HMGXB3: variants seen among roughly 807,000 people sequenced by gnomAD.
HMGXB3 encodes the protein HMG-box containing 3.
In HMGXB3, 45 loss-of-function variants were observed where a neutral mutation model predicts 121.5. The ratio of observed to expected loss-of-function variants is 0.37; its 90% confidence interval spans 0.29 to 0.47. The LOEUF is 0.47. Ranked by LOEUF, HMGXB3 falls within the 20% of genes least tolerant of loss-of-function variation. The pLI, the probability that HMGXB3 is intolerant of heterozygous loss-of-function variation, is 0.99. For missense variants in HMGXB3, 1,376 were observed against 1,602.2 expected, an observed-to-expected ratio of 0.86 and a Z score of 2.41; for synonymous variants, 590 against 624.1, an observed-to-expected ratio of 0.95 and a Z score of 0.81.
rs1424721688 is a variant in HMGXB3 at position 150,041,064 on chromosome 5, C to T, written c.2545+185C>T. Among the ~76,000 whole-genome samples, 3 of 152,312 alleles carry T rather than the reference C, an allele frequency of 2.0e-5. No individual in the cohort carries two copies. In the East Asian group the frequency reaches 5.8e-4, roughly 29 times the overall value. On this transcript the variant is annotated intron_variant, in intron 14 of 19. Coordinates refer to ENST00000502717, the MANE Select transcript of HMGXB3 (RefSeq NM_014983.3). ...CAAATGCCAAACTAATTTTGGAAAG[C>T]ATGAATCTTTTTGTGCATCCAGGGA...
chr5:150,035,974 A>G (rs1483806223), intron 11 of HMGXB3, among the ~76,000 whole-genome samples: 5 of 152,202 alleles, frequency 3.3e-5, no homozygotes, highest in African/African-American at 1.2e-4. Flanking sequence ...TGCTTTACTT[A>G]TAATATCTTA....
intron 16 of HMGXB3, among the ~76,000 whole-genome samples, chr5:150,047,256 C>T (rs948664597): frequency 6.6e-6 from 1 of 152,024 alleles, no homozygotes; most frequent in African/African-American, 2.4e-5. Context: ...GGTTCAGGAA[C>T]GTTGTGTAGA....
Position 150,030,844 on chromosome 5 carries a change from G to T in HMGXB3, c.1833+5G>T, listed in dbSNP as rs1037007614. On this transcript the variant is annotated splice_donor_5th_base_variant and intron_variant, in intron 10 of 19. Coordinates refer to ENST00000502717, the MANE Select transcript of HMGXB3 (RefSeq NM_014983.3). ...TACAGCTGCACTGTCACATTGGTAA[G>T]TATGCAGCTAGGTGGTGGTGGGTTG... 6 of 1,547,102 alleles carry T rather than the reference G, an allele frequency of 3.9e-6. No individual in the cohort carries two copies. The highest frequency in any genetic ancestry group is 4.4e-6 in the Non-Finnish European group (5 of 1,142,636).
chr5:150,050,569 C>A, intron 19 of HMGXB3, 108 bp downstream of exon 19: 1 of 823,964 alleles, frequency 1.2e-6, no homozygotes. Flanking sequence ...GCAACCTCTG[C>A]CTCCCAGGTT....
chr5:150,033,925 C>T (rs1278606487), intron 11 of HMGXB3, among the ~76,000 whole-genome samples: 1 of 152,208 alleles, frequency 6.6e-6, no homozygotes, highest in East Asian at 1.9e-4. Context: ...TATGTGGGCA[C>T]TAATGGCTTG....
rs1206285353 is a variant in HMGXB3, at chr5:150,024,786, G to C, written c.1460+106G>C. ...AGAGAGGCAGCAGAGACCAGGCAAT[G>C]GTTCCTGTTTTAGAGATACAGAAAC... On this transcript the variant is annotated intron_variant, in intron 7 of 19. Coordinates refer to ENST00000502717, the MANE Select transcript of HMGXB3 (RefSeq NM_014983.3). 4 of 980,964 alleles carry C rather than the reference G, an allele frequency of 4.1e-6. No homozygotes were observed. In the East Asian group the frequency reaches 1.1e-4, roughly 26 times the overall value. 60.8% of individuals were successfully genotyped at this position (980,964 alleles called of 1,614,324 possible). A position where few individuals can be genotyped will look rare whatever the true frequency, so the allele number is the denominator to read the frequency against.
At chr5:150,041,449 G>A (rs1756633108) in intron 14 of HMGXB3, among the ~76,000 whole-genome samples, 1 of 152,208 alleles carries the variant, frequency 6.6e-6, no homozygotes, top group Non-Finnish European at 1.5e-5. Context: ...TTATTCTTGT[G>A]CCTCTGTTTC....
At position 150,006,591 on chromosome 5, in the gene HMGXB3, G is replaced by A. The variant is rs1011483915; in HGVS notation, c.256G>A (p.Ala86Thr). 1.3e-6 allele frequency: 2 copies of A among 1,552,192 alleles called. No individual in the cohort carries two copies. The highest frequency in any genetic ancestry group is 1.7e-6 in the Non-Finnish European group (2 of 1,147,120). ...ISESWRLLSV[A>T]ERSYYLEKAK... is the part of the protein sequence containing the mutation. ...TGAGAGTTGGAGGCTTCTCAGCGTGGCCGAGAGGAGTTACTACTTGGAGAA... is the reference window on the plus strand; with the variant it reads ...TGAGAGTTGGAGGCTTCTCAGCGTGACCGAGAGGAGTTACTACTTGGAGAA... The change falls in exon 3 of 20, where the codon GCC becomes ACC. Residue 86 changes from alanine to threonine, a missense_variant. Physicochemically the swap from Ala to Thr is moderately conservative, Grantham distance 58. Around this residue, in one of 2 missense-constraint regions of HMGXB3, gnomAD observed 1,116 missense variants for 1,369.0 expected, o/e 0.82. Transcript: ENST00000502717.
intron 4 of HMGXB3, 47 bp downstream of exon 4, chr5:150,010,655 T>A (rs746393456): frequency 2.0e-6 from 3 of 1,507,450 alleles, no homozygotes; most frequent in Non-Finnish European, 2.7e-6. Flanking sequence ...TGGAGTTACT[T>A]AAAGGGCAGC....
chr5:150,025,347 G>C (rs2113742298), intron 7 of HMGXB3, among the ~76,000 whole-genome samples: 1 of 152,138 alleles, frequency 6.6e-6, no homozygotes, highest in Admixed American at 6.5e-5. Context: ...ACCCTTATTT[G>C]TATCAATGGT....
rs1173961080 is a variant in HMGXB3 at position 150,047,608 on chromosome 5, C to G, written c.2951-16C>G. On this transcript the variant is annotated splice_polypyrimidine_tract_variant and intron_variant, in intron 16 of 19. Transcript: ENST00000502717. ...TGGCGGCAGCACCCTCCCACCAGCA[C>G]TGTTGTCTCTTGCAGGCAGTGGCAG... 8.4e-6 allele frequency: 13 copies of G among 1,551,466 alleles called. No individual in the cohort carries two copies. In the Admixed American group the frequency reaches 2.2e-4, roughly 26 times the overall value.
chr5:150,009,431 T>C (rs1247099792), intron 3 of HMGXB3, among the ~76,000 whole-genome samples: 3 of 152,220 alleles, frequency 2.0e-5, no homozygotes, highest in Non-Finnish European at 4.4e-5. Flanking sequence ...ATATTCACAT[T>C]TTTTTCCGTA....
intron 7 of HMGXB3, 52 bp downstream of exon 7, chr5:150,024,732 T>C (rs988702436): frequency 9.4e-5 from 131 of 1,388,370 alleles, no homozygotes; most frequent in Non-Finnish European, 1.2e-4. Flanking sequence ...CCCATGTTTC[T>C]TTTATCTCAT....
intron 6 of HMGXB3, among the ~76,000 whole-genome samples, chr5:150,022,615 A>C (rs1187509292): frequency 2.6e-5 from 4 of 152,150 alleles, no homozygotes; most frequent in Non-Finnish European, 4.4e-5. Context: ...CTTAGTAGGC[A>C]GTGTTTGCTC....
intron 13 of HMGXB3, among the ~76,000 whole-genome samples, chr5:150,038,365 A>G (rs1009871317): frequency 2.6e-5 from 4 of 152,150 alleles, no homozygotes; most frequent in Admixed American, 6.5e-5. Flanking sequence ...GTACTATTTT[A>G]TGCTCTTGCC....
chr5:150,028,555 ATATATTTTTTTT>A (rs1756297606), intron 9 of HMGXB3, among the ~76,000 whole-genome samples: 1 of 57,116 alleles, frequency 1.8e-5, no homozygotes. Context: ...ATATATATAT[ATATATTTTTTTT>A]TTTTTTTTTT....
intron 9 of HMGXB3, chr5:150,030,288 A>T (rs943523875): frequency 6.4e-6 from 1 of 156,228 alleles, no homozygotes; most frequent in Non-Finnish European, 1.4e-5. Flanking sequence ...AGCCTGGGCA[A>T]CATAGTGAGA....
In HMGXB3 at chr5:150,051,913, C is replaced by T. The variant is rs188426859; in HGVS notation, c.3600C>T (p.Tyr1200=). ...CCCTGTGCCCTGAATTGGCACCTTA[C>T]GCAACCATCCTGGCCTCCATCGTGG... ...SLALCPELAP[Y]ATILASIVDS... Residue 1200 remains tyrosine (Y), a synonymous_variant, in exon 20 of 20, where the codon TAC becomes TAT. Transcript: ENST00000502717. The T allele has an allele frequency of 2.2e-3, 3,404 of 1,552,088 alleles. 7 individuals carry two copies. The highest frequency in any genetic ancestry group is 2.6e-3 in the Non-Finnish European group (2,992 of 1,147,118).
Position 150,051,948 on chromosome 5 carries a change from C to T in HMGXB3, c.3635C>T (p.Pro1212Leu), listed in dbSNP as rs1025885846. The T allele has an allele frequency of 2.6e-6, 4 of 1,552,226 alleles. No individual in the cohort carries two copies. Among genetic ancestry groups the T allele is most frequent in the Non-Finnish European group, 3.5e-6 (4 of 1,147,150 alleles). ...CTGGCCTCCATCGTGGACAGCAAAC[C>T]AAACGGTGTCCGCCAGCGGCCCATT... ...TILASIVDSK[P>L]NGVRQRPIAF... Residue 1212 changes from proline to leucine, a missense_variant, in exon 20 of 20, where the codon CCA (proline) becomes CTA (leucine). Around this residue, in one of 2 missense-constraint regions of HMGXB3, gnomAD observed 260 missense variants for 233.2 expected, o/e 1.11. Coordinates refer to ENST00000502717, the MANE Select transcript of HMGXB3 (RefSeq NM_014983.3).
Sources: allele counts gnomAD v4.1 joint callset (sites outside exome capture counted in the v4.1 genomes callset), GRCh38; gene constraint gnomAD v4.1.1; regional missense constraint gnomAD v4.1.1; transcripts MANE v1.5; gene names NCBI Gene and HGNC (gene_info 2026-07-23, HGNC 2026-07-21).